Variants in MYO1E observed in about 807,000 individuals in gnomAD.
The protein encoded by MYO1E is myosin IE.
In MYO1E, 68 loss-of-function variants were observed where a neutral mutation model predicts 151.1. That is an observed-to-expected ratio of 0.45 (90% CI 0.37 to 0.55). The LOEUF is 0.55. Among genes scored for constraint, MYO1E ranks in the 20% least tolerant of loss-of-function variants. The pLI is 0.00. For synonymous variants in MYO1E, 601 were observed against 501.7 expected, an observed-to-expected ratio of 1.20 and a Z score of -2.64; for missense variants, 1,363 against 1,389.3, an observed-to-expected ratio of 0.98 and a Z score of 0.30.
chr15:59,192,972 T>C (rs2079743043), intron 17 of MYO1E, among the ~76,000 whole-genome samples: 1 of 150,776 alleles, frequency 6.6e-6, no homozygotes, highest in East Asian at 2.0e-4. Flanking sequence ...GGAGATCCTA[T>C]TCTAGATGGA....
At chr15:59,228,893 C>T (rs1477428638) in intron 6 of MYO1E, among the ~76,000 whole-genome samples, 1 of 152,162 alleles carries the variant, frequency 6.6e-6, no homozygotes, top group Non-Finnish European at 1.5e-5. Context: ...GAAAGACCAC[C>T]GAAGGCGGCC....
Position 59,261,953 on chromosome 15 carries a change from G to A in MYO1E, c.148-444C>T, listed in dbSNP as rs139078299. ...GTGATGGCTCATGCCTGTAATCCCAGCACTTTGGGAGGCTGAGGTGGGGAG... is the reference window on the plus strand; with the variant it reads ...GTGATGGCTCATGCCTGTAATCCCAACACTTTGGGAGGCTGAGGTGGGGAG... On this transcript the variant is annotated intron_variant, in intron 2 of 27. Coordinates refer to ENST00000288235, the MANE Select transcript of MYO1E (RefSeq NM_004998.4). Among the ~76,000 whole-genome samples the A allele has an allele frequency of 1.9e-3, 291 of 152,216 alleles. 2 individuals are homozygous for A. The highest frequency in any genetic ancestry group is 6.6e-3 in the African/African-American group (275 of 41,534).
At chr15:59,351,565 G>C (rs2080823262) in intron 1 of MYO1E, among the ~76,000 whole-genome samples, 1 of 152,200 alleles carries the variant, frequency 6.6e-6, no homozygotes, top group African/African-American at 2.4e-5. Flanking sequence ...CAGATGCAAA[G>C]CCGTGTTACT....
At chr15:59,281,289 T>C (rs1567001301) in intron 1 of MYO1E, among the ~76,000 whole-genome samples, 1 of 151,804 alleles carries the variant, frequency 6.6e-6, no homozygotes, top group Non-Finnish European at 1.5e-5. Flanking sequence ...TCTTTTTTTT[T>C]TTCTGAGAAA....
intron 1 of MYO1E, among the ~76,000 whole-genome samples, chr15:59,349,720 G>A (rs551185489): frequency 4.5e-4 from 69 of 152,322 alleles, no homozygotes; most frequent in African/African-American, 1.3e-3. Flanking sequence ...CAAACTAGGA[G>A]ATATGAAAGT....
At chr15:59,197,943 C>G (rs1566976322) in intron 16 of MYO1E, among the ~76,000 whole-genome samples, 2 of 152,160 alleles carry the variant, frequency 1.3e-5, no homozygotes, top group Non-Finnish European at 2.9e-5. Context: ...CTCACTGGAG[C>G]CTTGGCCTCC....
chr15:59,133,376 T>TA lies in MYO1E; in HGVS notation c.*4003dup, dbSNP rs1566960208. ...GACAAAGTGAGGTGCTGTCTGAAAA[T>TA]AAAAACGCACAGGCCTTTGACTCAG... is the stretch of plus-strand genomic sequence containing the variant. On this transcript the variant is annotated 3_prime_UTR_variant, in exon 28 of 28. Coordinates refer to ENST00000288235, the MANE Select transcript of MYO1E (RefSeq NM_004998.4). 6.6e-6 allele frequency: 1 copy of TA among 151,592 alleles called. No individual in the cohort carries two copies. The highest frequency in any genetic ancestry group is 1.9e-4 in the East Asian group (1 of 5,156). 9.4% of individuals were successfully genotyped at this position (151,592 alleles called of 1,614,324 possible). A position where few individuals can be genotyped will look rare whatever the true frequency, so the allele number is the denominator to read the frequency against.
At chr15:59,303,810 TACTG>T (rs1355528319) in intron 1 of MYO1E, among the ~76,000 whole-genome samples, 1 of 152,088 alleles carries the variant, frequency 6.6e-6, no homozygotes, top group Non-Finnish European at 1.5e-5. Context: ...CTACTTGTTC[TACTG>T]AGTCGGCAGT....
chr15:59,215,299 G>A (rs1029610483), intron 10 of MYO1E, among the ~76,000 whole-genome samples: 1 of 152,196 alleles, frequency 6.6e-6, no homozygotes, highest in African/African-American at 2.4e-5. Context: ...GGTTTGCTAA[G>A]TGCTCTCAAT....
At chr15:59,235,393 ACT>A (rs1159111410) in intron 5 of MYO1E, among the ~76,000 whole-genome samples, 5 of 151,888 alleles carry the variant, frequency 3.3e-5, no homozygotes, top group Admixed American at 2.0e-4. Context: ...ACAAATGTGC[ACT>A]CTCTTTTGAT....
At chr15:59,352,415 G>A (rs1187233709) in intron 1 of MYO1E, among the ~76,000 whole-genome samples, 1 of 152,094 alleles carries the variant, frequency 6.6e-6, no homozygotes, top group African/African-American at 2.4e-5. Flanking sequence ...ATCAGGTGTG[G>A]GTGGGACCTG....
At chr15:59,269,024 G>A (rs1404899253) in intron 2 of MYO1E, among the ~76,000 whole-genome samples, 1 of 151,914 alleles carries the variant, frequency 6.6e-6, no homozygotes, top group East Asian at 1.9e-4. Context: ...AATATAATTT[G>A]TACAACTACT....
intron 26 of MYO1E, among the ~76,000 whole-genome samples, chr15:59,140,478 C>T (rs928443783): frequency 3.9e-5 from 6 of 152,214 alleles, no homozygotes; most frequent in Admixed American, 1.3e-4. Context: ...CATTTCCCTA[C>T]AAAACAAACT....
At chr15:59,358,245 A>AGAGGAAGAGGAGGATGAG (rs1203953435) in intron 1 of MYO1E, among the ~76,000 whole-genome samples, 3 of 151,820 alleles carry the variant, frequency 2.0e-5, no homozygotes, top group Admixed American at 6.6e-5. Context: ...AAAAGGAGAA[A>AGAGGAAGAGGAGGATGAG]GAGGAAGAGG....
intron 2 of MYO1E, chr15:59,271,131 T>C (rs1357843025): frequency 2.0e-5 from 3 of 152,198 alleles, no homozygotes; most frequent in African/African-American, 4.8e-5. Context: ...ACAGTATTGT[T>C]TGTTAAATAC....
intron 4 of MYO1E, among the ~76,000 whole-genome samples, chr15:59,255,263 T>C (rs1162031006): frequency 6.6e-6 from 1 of 151,976 alleles, no homozygotes; most frequent in Non-Finnish European, 1.5e-5. Context: ...TACAGACAAA[T>C]GACACCAGAC....
At chr15:59,163,035 G>A (rs2079546385) in intron 23 of MYO1E, 122 bp downstream of exon 23, 1 of 1,144,480 alleles carries the variant, frequency 8.7e-7, no homozygotes, top group Admixed American at 2.0e-5. Context: ...GTTCCACTGG[G>A]GCCAGCCAGA....
intron 1 of MYO1E, among the ~76,000 whole-genome samples, chr15:59,371,290 A>G (rs1434981288): frequency 6.6e-6 from 1 of 152,112 alleles, no homozygotes; most frequent in Non-Finnish European, 1.5e-5. Flanking sequence ...TTTTTTAATT[A>G]GTGTTGTGCT....
chr15:59,217,740 C>G (rs1596370782), intron 10 of MYO1E, 151 bp downstream of exon 10: 2 of 859,858 alleles, frequency 2.3e-6, no homozygotes, highest in East Asian at 5.2e-5. Context: ...GTTGCAGAGG[C>G]TGGTCTCAAA....
Sources: allele counts gnomAD v4.1 joint callset (sites outside exome capture counted in the v4.1 genomes callset), GRCh38; gene constraint gnomAD v4.1.1; transcripts MANE v1.5; gene names NCBI Gene and HGNC (gene_info 2026-07-23, HGNC 2026-07-21).